ATIC: variants seen among roughly 807,000 people sequenced by gnomAD.
ATIC encodes 5-aminoimidazole-4-carboxamide ribonucleotide formyltransferase/IMP cyclohydrolase, also known as bifunctional purine biosynthesis protein ATIC.
Under a neutral mutation model 72.5 loss-of-function variants are expected in ATIC, and 64 were observed. That is an observed-to-expected ratio of 0.88 (90% CI 0.72 to 1.09). The LOEUF is 1.09. ATIC is among the 50% of genes least tolerant of loss of function. The pLI is 0.00. For missense variants in ATIC, 787 were observed against 732.4 expected, an observed-to-expected ratio of 1.07 and a Z score of -0.86; for synonymous variants, 281 against 267.1, an observed-to-expected ratio of 1.05 and a Z score of -0.51.
At chr2:215,320,882 C>T (rs896800521) in intron 4 of ATIC, among the ~76,000 whole-genome samples, 1 of 152,134 alleles carries the variant, frequency 6.6e-6, no homozygotes, top group African/African-American at 2.4e-5. Flanking sequence ...GCCCGGCCTG[C>T]CCGGCTCTGT....
In ATIC at chr2:215,326,241, C is replaced by T. The variant is rs543075375; in HGVS notation, c.531+103C>T. ...TGGTAGATTGCATTACCTACCAAAG[C>T]TTTGCTTGGAGCTGCTATCCTTTTG... On this transcript the variant is annotated intron_variant, in intron 6 of 15. Transcript: ENST00000236959. 87 of 1,404,850 alleles carry T rather than the reference C, an allele frequency of 6.2e-5. No homozygotes were observed. The African/African-American group carries it at 9.1e-4, about 15-fold the overall frequency. The allele number at this position is 1,404,850 out of a possible 1,614,324, so 87.0% of individuals were successfully genotyped here. A position where few individuals can be genotyped will look rare whatever the true frequency, so the allele number is the denominator to read the frequency against.
chr2:215,368,207 T>C, the ATIC span, among the ~76,000 whole-genome samples: 60 of 152,368 alleles, frequency 3.9e-4, no homozygotes, highest in African/African-American at 1.4e-3. Context: ...TGGTTAGATG[T>C]GACACCTGTC....
chr2:215,357,024 C>T, the ATIC span, among the ~76,000 whole-genome samples: 23 of 152,238 alleles, frequency 1.5e-4, no homozygotes, highest in South Asian at 4.6e-3. Context: ...CCACAGCAGC[C>T]GCACCGTTTT....
At chr2:215,326,421 G>T (rs2052826804) in intron 6 of ATIC, among the ~76,000 whole-genome samples, 1 of 151,964 alleles carries the variant, frequency 6.6e-6, no homozygotes, top group South Asian at 2.1e-4. Context: ...CCTGGCCAAT[G>T]TGGTGAAACC....
rs976791533 is a variant in ATIC, at chr2:215,326,030, A to C, written c.423A>C (p.Arg141=). 6.2e-7 allele frequency: 1 copy of C among 1,614,180 alleles called. No homozygotes were observed. Among genetic ancestry groups the C allele is most frequent in the Non-Finnish European group, 8.5e-7 (1 of 1,180,006 alleles). The change falls in exon 6 of 16, where the codon CGA becomes CGC. Residue 141 remains arginine (R), a synonymous_variant. Coordinates refer to ENST00000236959, the MANE Select transcript of ATIC (RefSeq NM_004044.7). ...GAGCTGCAGCCAAAAACCACGCTCGAGTGACAGTGGTGTGTGAACCAGAGG... is the reference window on the plus strand; with the variant it reads ...GAGCTGCAGCCAAAAACCACGCTCGCGTGACAGTGGTGTGTGAACCAGAGG... ...LLRAAAKNHA[R]VTVVCEPEDY...
chr2:215,332,131 CGTGT>C (rs71044585), intron 7 of ATIC, among the ~76,000 whole-genome samples: 6,430 of 142,154 alleles, frequency 0.045, 344 homozygotes, highest in African/African-American at 0.14. Context: ...GTCCTCCAGT[CGTGT>C]GTGTGTGTGT....
intron 2 of ATIC, 102 bp from the exon 3 acceptor site, chr2:215,318,055 T>G: frequency 9.3e-7 from 1 of 1,070,024 alleles, no homozygotes; most frequent in African/African-American, 1.6e-5. Context: ...CACGTTGAAT[T>G]CAGGCTCAAA....
At chr2:215,335,968 G>T (rs1166113468) in intron 10 of ATIC, 67 bp from the exon 11 acceptor site, 1 of 1,261,800 alleles carries the variant, frequency 7.9e-7, no homozygotes, top group Non-Finnish European at 1.1e-6. Flanking sequence ...GATAATTGCT[G>T]CTAGATTTTT....
chr2:215,367,157 A>T, the ATIC span, among the ~76,000 whole-genome samples: 1 of 152,236 alleles, frequency 6.6e-6, no homozygotes, highest in East Asian at 1.9e-4. Context: ...GTCAATAATC[A>T]TCACATCTCC....
chr2:215,357,973 A>T, the ATIC span, among the ~76,000 whole-genome samples: 10 of 152,162 alleles, frequency 6.6e-5, no homozygotes, highest in Non-Finnish European at 1.3e-4. Flanking sequence ...GAGCACTTAA[A>T]TGTGCTGATG....
chr2:215,323,343 A>G (rs1476685193), intron 4 of ATIC, among the ~76,000 whole-genome samples: 1 of 152,172 alleles, frequency 6.6e-6, no homozygotes, highest in Non-Finnish European at 1.5e-5. Flanking sequence ...CTGCAAAACA[A>G]CGCAGTTGGA....
chr2:215,353,428 T>C (rs557887229), downstream of ATIC, among the ~76,000 whole-genome samples: 3 of 152,326 alleles, frequency 2.0e-5, no homozygotes, highest in East Asian at 1.9e-4. Flanking sequence ...GACCAGACTT[T>C]CTAAGGTTTG....
At chr2:215,364,356 G>A in the ATIC span, 258 of 185,484 alleles carry the variant, frequency 1.4e-3, 1 homozygote, top group African/African-American at 5.9e-3. Context: ...CATCAGAATG[G>A]AGTTGGAGGC....
At chr2:215,357,934 A>G in the ATIC span, among the ~76,000 whole-genome samples, 1 of 152,086 alleles carries the variant, frequency 6.6e-6, no homozygotes, top group Non-Finnish European at 1.5e-5. Context: ...TATCACAGTA[A>G]TGGGAACTTA....
At chr2:215,351,402 A>G (rs112165913), downstream of ATIC, among the ~76,000 whole-genome samples, 768 of 152,300 alleles carry the variant, frequency 5.0e-3, 6 homozygotes, top group African/African-American at 0.018. Flanking sequence ...TTTGGCTTGT[A>G]AATTAAGTGT....
the ATIC span, among the ~76,000 whole-genome samples, chr2:215,358,562 T>G: frequency 6.6e-6 from 1 of 152,224 alleles, no homozygotes; most frequent in African/African-American, 2.4e-5. Context: ...AGATTGGGGT[T>G]ATCATACAAT....
intron 13 of ATIC, among the ~76,000 whole-genome samples, chr2:215,346,400 A>G (rs1217995761): frequency 1.3e-5 from 2 of 151,880 alleles, no homozygotes; most frequent in African/African-American, 2.4e-5. Context: ...AGCTCAAGCA[A>G]TCCTTCTGTC....
At chr2:215,353,913 CT>C (rs1466420209), downstream of ATIC, among the ~76,000 whole-genome samples, 1 of 152,058 alleles carries the variant, frequency 6.6e-6, no homozygotes, top group East Asian at 1.9e-4. Context: ...TTTGGCTATG[CT>C]TACAATTCTG....
chr2:215,349,005 C>T, intron 14 of ATIC, 89 bp from the exon 15 acceptor site: 1 of 1,324,630 alleles, frequency 7.5e-7, no homozygotes, highest in East Asian at 2.3e-5. Flanking sequence ...AAGAAAAATG[C>T]CCAGGTGCTT....
Sources: allele counts gnomAD v4.1 joint callset (sites outside exome capture counted in the v4.1 genomes callset), GRCh38; gene constraint gnomAD v4.1.1; transcripts MANE v1.5; gene names NCBI Gene and HGNC (gene_info 2026-07-23, HGNC 2026-07-21).